CYP2A13: variants seen among roughly 807,000 people sequenced by gnomAD.
CYP2A13 encodes cytochrome P450 family 2 subfamily A member 13.
In CYP2A13, 30 loss-of-function variants were observed where a neutral mutation model predicts 39.4. The observed-to-expected ratio is 0.76, with a 90% CI of 0.57 to 1.03. CYP2A13 has a LOEUF of 1.03. Ranked by LOEUF, CYP2A13 falls within the 50% of genes least tolerant of loss-of-function variation. The pLI, the probability that CYP2A13 is intolerant of heterozygous loss-of-function variation, is 0.00. For missense variants in CYP2A13, 731 were observed against 648.4 expected (o/e 1.13, Z -1.38); for synonymous variants, 269 against 254.7 (o/e 1.06, Z -0.54).
intron 7 of CYP2A13, 89 bp from the exon 8 acceptor site, chr19:41,094,870 G>A (rs2031267366): frequency 1.3e-6 from 2 of 1,504,648 alleles, no homozygotes; most frequent in South Asian, 2.4e-5. Context: ...CCCTCACCTG[G>A]GGCACCCTAG....
At chr19:41,092,285 C>T (rs1369612078) in intron 5 of CYP2A13, among the ~76,000 whole-genome samples, 3 of 140,926 alleles carry the variant, frequency 2.1e-5, no homozygotes, top group Admixed American at 7.4e-5. Flanking sequence ...CACTGCACTC[C>T]GGCCTGAGTG....
chr19:41,092,008 C>A lies in CYP2A13; in HGVS notation c.831+100C>A, dbSNP rs2031201185. The A allele has an allele frequency of 1.8e-5, 27 of 1,521,950 alleles. No individual in the cohort carries two copies. The East Asian group carries it at 6.2e-4, about 35-fold the overall frequency. 94.3% of individuals were successfully genotyped at this position (1,521,950 alleles called of 1,614,324 possible). On this transcript the variant is annotated intron_variant, in intron 5 of 8. Transcript: ENST00000330436. ...ACGACACAGGCCCATTCAAATTAGC[C>A]CTCGTCATAATAATCCTTACAATTG...
Position 41,090,174 on chromosome 19 carries a change from C to T in CYP2A13, c.471C>T (p.Ile157=). The part of the protein sequence containing the change: ...ERIQEEAGFL[I]DALRGTHGAN... ...TCCAGGAGGAGGCGGGCTTCCTCAT[C>T]GACGCCCTCCGGGGCACGCACGGTG... Residue 157 remains isoleucine, a synonymous_variant, in exon 3 of 9, where the codon ATC becomes ATT. Coordinates refer to ENST00000330436, the MANE Select transcript of CYP2A13 (RefSeq NM_000766.5). 1 of 1,584,212 alleles carries T rather than the reference C, an allele frequency of 6.3e-7. No homozygotes were observed. The highest frequency in any genetic ancestry group is 8.6e-7 in the Non-Finnish European group (1 of 1,164,332).
intron 4 of CYP2A13, among the ~76,000 whole-genome samples, chr19:41,091,214 A>G (rs2031181591): frequency 1.3e-5 from 2 of 152,162 alleles, no homozygotes; most frequent in South Asian, 4.1e-4. Flanking sequence ...TTGGATAGGT[A>G]AACACCTCAA....
rs777809666 is a variant in CYP2A13, at chr19:41,095,754, C to A, written c.1304-6C>A. The A allele has an allele frequency of 6.2e-7, 1 of 1,613,982 alleles. No homozygotes were observed. The highest frequency in any genetic ancestry group is 1.7e-4 in the Middle Eastern group (1 of 6,058). ...CACCTTCACCCCTCCTGCCTCTCCT[C>A]CTCAGGAAAGCGGTACTGTTTTGGA... On this transcript the variant is annotated splice_region_variant and splice_polypyrimidine_tract_variant and intron_variant, in intron 8 of 8. Coordinates refer to ENST00000330436, the MANE Select transcript of CYP2A13 (RefSeq NM_000766.5).
At chr19:41,090,355 C>T in intron 3 of CYP2A13, 49 bp from the exon 4 acceptor site, 1 of 1,612,834 alleles carries the variant, frequency 6.2e-7, no homozygotes. Flanking sequence ...TCTCCTCAGA[C>T]CTCTGAGTTG....
At chr19:41,095,354 C>T (rs1056018085) in intron 8 of CYP2A13, among the ~76,000 whole-genome samples, 2 of 152,132 alleles carry the variant, frequency 1.3e-5, no homozygotes, top group Non-Finnish European at 2.9e-5. Flanking sequence ...TCTTCAGCTC[C>T]CTGAAAAGGA....
Position 41,094,285 on chromosome 19 carries a change from C to G in CYP2A13, c.1014C>G (p.Asn338Lys), listed in dbSNP as rs1599656009. 1.2e-6 allele frequency: 2 copies of G among 1,614,094 alleles called. No homozygotes were observed. The highest frequency in any genetic ancestry group is 1.7e-6 in the Non-Finnish European group (2 of 1,180,010). The change falls in exon 7 of 9, where the codon AAC becomes AAG. Residue 338 changes from asparagine to lysine, a missense_variant. By Grantham distance (94) the Asn-to-Lys change is moderately conservative (BLOSUM62 0). Coordinates refer to ENST00000330436, the MANE Select transcript of CYP2A13 (RefSeq NM_000766.5). Reference protein sequence around the residue: ...HEEIDRVIGKNRQPKFEDRAK... With the variant: ...HEEIDRVIGKKRQPKFEDRAK... ...AGATTGACAGAGTGATCGGCAAGAA[C>G]CGGCAGCCCAAGTTTGAGGACCGGG...
In CYP2A13 at chr19:41,090,670, C is replaced by T. The variant is rs2031170576; in HGVS notation, c.654+106C>T. The T allele has an allele frequency of 5.2e-6, 8 of 1,551,350 alleles. No homozygotes were observed. The Admixed American group carries it at 1.4e-4, about 27-fold the overall frequency. ...TCCCACCCCCCTCCAGACAGTGTCCCCTCAAAATCAGTCCCCGATATTGGA... is the reference window on the plus strand; with the variant it reads ...TCCCACCCCCCTCCAGACAGTGTCCTCTCAAAATCAGTCCCCGATATTGGA... On this transcript the variant is annotated intron_variant, in intron 4 of 8. Transcript: ENST00000330436.
In CYP2A13 at chr19:41,096,160, A is replaced by C; in HGVS notation, c.*219A>C. ...GAAGGGAAACCTTACAGTATGCTACAAAGAGTAGTAATAATAGCAGCTCTT... is the reference window on the plus strand; with the variant it reads ...GAAGGGAAACCTTACAGTATGCTACCAAGAGTAGTAATAATAGCAGCTCTT... On this transcript the variant is annotated 3_prime_UTR_variant, in exon 9 of 9. Coordinates refer to ENST00000330436, the MANE Select transcript of CYP2A13 (RefSeq NM_000766.5). 4.5e-6 allele frequency: 3 copies of C among 669,418 alleles called. No individual in the cohort carries two copies. The highest frequency in any genetic ancestry group is 7.6e-6 in the Non-Finnish European group (3 of 393,530). 41.5% of individuals were successfully genotyped at this position (669,418 alleles called of 1,614,324 possible). A position where few individuals can be genotyped will look rare whatever the true frequency, so the allele number is the denominator to read the frequency against.
intron 4 of CYP2A13, 99 bp from the exon 5 acceptor site, chr19:41,091,633 A>T (rs1325924710): frequency 6.5e-7 from 1 of 1,535,768 alleles, no homozygotes; most frequent in South Asian, 1.3e-5. Flanking sequence ...GATGCCTTTA[A>T]CTCCGTTCCT....
rs770224275 is a variant in CYP2A13, at chr19:41,090,201, G to A, written c.493+5G>A. 2 of 1,564,700 alleles carry A rather than the reference G, an allele frequency of 1.3e-6. No individual in the cohort carries two copies. The highest frequency in any genetic ancestry group is 1.7e-6 in the Non-Finnish European group (2 of 1,154,634). On this transcript the variant is annotated splice_donor_5th_base_variant and intron_variant, in intron 3 of 8. Transcript: ENST00000330436. Reference sequence around the variant, plus strand: ...ACGCCCTCCGGGGCACGCACGGTGAGTAGGGGACCCCGAGTGCGAGGGCGG... The same window carrying A: ...ACGCCCTCCGGGGCACGCACGGTGAATAGGGGACCCCGAGTGCGAGGGCGG...
At chr19:41,088,715 G>C (rs756539900) in intron 1 of CYP2A13, 64 bp downstream of exon 1, 72 of 1,578,474 alleles carry the variant, frequency 4.6e-5, no homozygotes, top group Non-Finnish European at 5.9e-5. Flanking sequence ...GGGGCTTTGT[G>C]GCAGGGGATT....
At chr19:41,092,001 A>G in intron 5 of CYP2A13, 93 bp downstream of exon 5, 1 of 1,537,852 alleles carries the variant, frequency 6.5e-7, no homozygotes, top group Non-Finnish European at 8.8e-7. Flanking sequence ...GGCCCATTCA[A>G]ATTAGCCCTC....
At chr19:41,095,665 C>G (rs2031287601) in intron 8 of CYP2A13, 95 bp from the exon 9 acceptor site, 1 of 1,490,196 alleles carries the variant, frequency 6.7e-7, no homozygotes, top group African/African-American at 1.4e-5. Flanking sequence ...AATATTCCAC[C>G]CCTCCTCCCT....
chr19:41,095,857 G>A lies in CYP2A13; in HGVS notation c.1401G>A (p.Ser467=), dbSNP rs2144729050. 1.2e-6 allele frequency: 2 copies of A among 1,614,030 alleles called. No individual in the cohort carries two copies. The highest frequency in any genetic ancestry group is 1.7e-6 in the Non-Finnish European group (2 of 1,179,956). ...ACTTTCGCTTCAAGTCCCCTCAGTC[G>A]CCTAAGGATATCGACGTGTCCCCCA... The part of the protein sequence containing the change: ...MQNFRFKSPQ[S]PKDIDVSPKH... The change falls in exon 9 of 9, where the codon TCG becomes TCA. Residue 467 remains serine (S), a synonymous_variant. Coordinates refer to ENST00000330436, the MANE Select transcript of CYP2A13 (RefSeq NM_000766.5).
intron 7 of CYP2A13, 49 bp downstream of exon 7, chr19:41,094,481 C>A (rs770800684): frequency 1.2e-6 from 2 of 1,602,506 alleles, no homozygotes; most frequent in Non-Finnish European, 1.7e-6. Flanking sequence ...GGACTTCCAG[C>A]CTCTCTCTGT....
At chr19:41,092,008 C>G in intron 5 of CYP2A13, 100 bp downstream of exon 5, 6 of 1,521,952 alleles carry the variant, frequency 3.9e-6, no homozygotes, top group Non-Finnish European at 4.4e-6. Context: ...TCAAATTAGC[C>G]CTCGTCATAA....
At position 41,090,132 on chromosome 19, in the gene CYP2A13, C is replaced by A. The variant is rs780349763; in HGVS notation, c.429C>A (p.Arg143=). The A allele has an allele frequency of 6.9e-6, 11 of 1,605,776 alleles. No homozygotes were observed. The highest frequency in any genetic ancestry group is 6.8e-5 in the Admixed American group (4 of 58,898). Residue 143 remains arginine, a synonymous_variant, in exon 3 of 9, where the codon CGC becomes CGA. Coordinates refer to ENST00000330436, the MANE Select transcript of CYP2A13 (RefSeq NM_000766.5). The part of the protein sequence containing the change: ...ATLRGFGVGK[R]GIEERIQEEA... Reference sequence around the variant, plus strand: ...TAAGGGGTTTTGGCGTGGGCAAGCGCGGCATCGAGGAACGCATCCAGGAGG... The same window carrying A: ...TAAGGGGTTTTGGCGTGGGCAAGCGAGGCATCGAGGAACGCATCCAGGAGG...
Sources: gnomAD v4.1 joint callset for allele counts (sites outside exome capture counted in the v4.1 genomes callset) on GRCh38, gnomAD v4.1.1 for gene constraint, MANE v1.5 for transcripts, NCBI Gene and HGNC (gene_info 2026-07-23, HGNC 2026-07-21) for gene names.